GTF3C3: variants seen among roughly 807,000 people sequenced by gnomAD.
GTF3C3 encodes general transcription factor IIIC subunit 3.
Under a neutral mutation model 105.2 loss-of-function variants are expected in GTF3C3, and 75 were observed. That is an observed-to-expected ratio of 0.71 (90% CI 0.59 to 0.86). The LOEUF is 0.86. Ranked by LOEUF, GTF3C3 falls within the 40% of genes least tolerant of loss-of-function variation. The pLI is 0.00. For missense variants in GTF3C3, 856 were observed against 1,076.5 expected (o/e 0.80, Z 2.87); for synonymous variants, 335 against 370.4 (o/e 0.90, Z 1.10).
At position 196,791,470 on chromosome 2, in the gene GTF3C3, AGAAAAATGACATTTAGATTAAAATATAGT is replaced by A; in HGVS notation, c.412-39_412-11del. 1 of 1,606,308 alleles carries A rather than the reference AGAAAAATGACATTTAGATTAAAATATAGT, an allele frequency of 6.2e-7. No individual in the cohort carries two copies. Among genetic ancestry groups the A allele is most frequent in the Non-Finnish European group, 8.5e-7 (1 of 1,175,186 alleles). On this transcript the variant is annotated splice_polypyrimidine_tract_variant and intron_variant, in intron 3 of 17. Coordinates refer to ENST00000263956, the MANE Select transcript of GTF3C3 (RefSeq NM_012086.5). ...TCCGAGGCCTTTTCTCCTGTATGGA[AGAAAAATGACATTTAGATTAAAATATAGT>A]GAAGTCTTAGATTTCAATTCCAGCC...
At chr2:196,769,886 T>C in intron 16 of GTF3C3, 29 bp downstream of exon 16, 1 of 1,577,344 alleles carries the variant, frequency 6.3e-7, no homozygotes, top group East Asian at 2.2e-5. Flanking sequence ...AAACATAAAA[T>C]CAAGTAACGA....
At chr2:196,780,974 A>G in intron 8 of GTF3C3, 1 of 185,708 alleles carries the variant, frequency 5.4e-6, no homozygotes, top group Non-Finnish European at 1.1e-5. Flanking sequence ...CTTGAATTGA[A>G]AAGTCTCTTT....
chr2:196,773,283 G>A lies in GTF3C3; in HGVS notation c.1832-130C>T, dbSNP rs184882274. On this transcript the variant is annotated intron_variant, in intron 13 of 17. Transcript: ENST00000263956. ...GCCTAAATTGTTGCCAGTGCTCTCC[G>A]GACAAAGATGAGAAGGGGTAGTTGC... The A allele has an allele frequency of 1.4e-4, 90 of 657,204 alleles. No individual in the cohort carries two copies. In the East Asian group the frequency reaches 1.8e-3, roughly 13 times the overall value. 40.7% of individuals were successfully genotyped at this position (657,204 alleles called of 1,614,324 possible).
intron 8 of GTF3C3, among the ~76,000 whole-genome samples, chr2:196,781,349 A>ATATATATAT (rs1226821935): frequency 8.7e-5 from 2 of 22,860 alleles, no homozygotes; most frequent in East Asian, 7.8e-3. Context: ...GGGGAAAAAA[A>ATATATATAT]AAAAAAAAAT....
chr2:196,780,714 T>C (rs749832948), intron 8 of GTF3C3, 52 bp from the exon 9 acceptor site: 130 of 1,570,286 alleles, frequency 8.3e-5, no homozygotes, highest in Non-Finnish European at 1.1e-4. Context: ...TTGAGATGTG[T>C]ATCTTCTATG....
At chr2:196,780,733 C>A in intron 8 of GTF3C3, 71 bp from the exon 9 acceptor site, 1 of 1,513,470 alleles carries the variant, frequency 6.6e-7, no homozygotes, top group South Asian at 1.3e-5. Context: ...TGTAAGATCT[C>A]ATTTATTTCA....
At chr2:196,771,455 G>C (rs1699173927) in intron 15 of GTF3C3, among the ~76,000 whole-genome samples, 1 of 151,988 alleles carries the variant, frequency 6.6e-6, no homozygotes, top group Non-Finnish European at 1.5e-5. Context: ...CCAAAGCTTA[G>C]TAAGAATAAC....
intron 15 of GTF3C3, among the ~76,000 whole-genome samples, chr2:196,771,368 AAAAT>A (rs150388514): frequency 0.099 from 15,062 of 152,208 alleles, 886 homozygotes; most frequent in Middle Eastern, 0.16. Flanking sequence ...AATCATTTTA[AAAAT>A]AAATAGGCCT....
At position 196,789,279 on chromosome 2, in the gene GTF3C3, C is replaced by T; in HGVS notation, c.818G>A (p.Gly273Asp). The part of the protein sequence containing the change: ...QMGDHKMAMD[G>D]YRRILNLLSP... ...CAAAAGGTTTAAAATACGCCTATAACCATCCATGGCCATTTTATGATCACC... is the reference window on the plus strand; with the variant it reads ...CAAAAGGTTTAAAATACGCCTATAATCATCCATGGCCATTTTATGATCACC... Residue 273 changes from glycine (G) to aspartate (D), a missense_variant, in exon 6 of 18, where the codon GGT becomes GAT. Coordinates refer to ENST00000263956, the MANE Select transcript of GTF3C3 (RefSeq NM_012086.5). The T allele has an allele frequency of 6.2e-7, 1 of 1,613,472 alleles. No individual in the cohort carries two copies.
Position 196,784,886 on chromosome 2 carries a change from G to C in GTF3C3, c.1085C>G (p.Ser362Ter). 1 of 1,611,096 alleles carries C rather than the reference G, an allele frequency of 6.2e-7. No homozygotes were observed. Residue 362 changes from serine (S) to a stop codon, truncating the protein, a stop_gained, in exon 8 of 18, where the codon TCA becomes TGA. Coordinates refer to ENST00000263956, the MANE Select transcript of GTF3C3 (RefSeq NM_012086.5). LOFTEE classifies it high-confidence loss of function. ...FSGIVLEKKT[S>*]EEGTSEENKA... ...ATTCTCTTCTGAGGTGCCTTCTTCT[G>C]AAGTTTTTTTTTCCAGCACAATTCC...
At chr2:196,766,125 A>T (rs1699063142) in intron 17 of GTF3C3, among the ~76,000 whole-genome samples, 1 of 152,164 alleles carries the variant, frequency 6.6e-6, no homozygotes, top group South Asian at 2.1e-4. Context: ...AACATATTTC[A>T]GGATTTAAAA....
rs868175165 is a variant in GTF3C3 at position 196,772,968 on chromosome 2, G to T, written c.2017C>A (p.Leu673Met). The change falls in exon 14 of 18, where the codon CTG becomes ATG. Residue 673 changes from leucine to methionine, a missense_variant. Leu to Met is a conservative substitution (Grantham distance 15). Transcript: ENST00000263956. ...QKRKELEYFG[L>M]SAAILDKNFR... The stretch of plus-strand genomic sequence containing the variant: ...TTTTTGTCCAGAATTGCAGCAGACA[G>T]ACCAAAGTATTCTAGTTCTTTGCGT... The T allele has an allele frequency of 6.2e-7, 1 of 1,607,372 alleles. No individual in the cohort carries two copies. The highest frequency in any genetic ancestry group is 1.7e-4 in the Middle Eastern group (1 of 6,018).
At chr2:196,771,697 C>G (rs1420754887) in intron 15 of GTF3C3, 51 bp downstream of exon 15, 2 of 1,262,670 alleles carry the variant, frequency 1.6e-6, no homozygotes, top group Admixed American at 1.7e-5. Context: ...AGAGGCTAGG[C>G]TCTTCACCAC....
At chr2:196,765,873 G>A (rs1418201053) in intron 17 of GTF3C3, among the ~76,000 whole-genome samples, 1 of 151,694 alleles carries the variant, frequency 6.6e-6, no homozygotes, top group South Asian at 2.1e-4. Context: ...AGCTGGGCGT[G>A]GTGGCAGGCA....
intron 17 of GTF3C3, 115 bp from the exon 18 acceptor site, chr2:196,764,800 C>T: frequency 8.6e-6 from 7 of 817,778 alleles, no homozygotes; most frequent in Non-Finnish European, 1.1e-5. Flanking sequence ...TATTAAAGCT[C>T]ATGTACTAAA....
chr2:196,764,190 G>GTAT lies in GTF3C3; in HGVS notation c.*370_*372dup, dbSNP rs1553575309. 6.4e-6 allele frequency: 1 copy of GTAT among 155,592 alleles called. No homozygotes were observed. Among genetic ancestry groups the GTAT allele is most frequent in the Non-Finnish European group, 1.4e-5 (1 of 70,406 alleles). 9.6% of individuals were successfully genotyped at this position (155,592 alleles called of 1,614,324 possible). ...AATAATAAGCAACCTCTGTTTATAC[G>GTAT]TATTTGAAAAACTGCCTCATGTGAT... is the stretch of plus-strand genomic sequence containing the variant. On this transcript the variant is annotated 3_prime_UTR_variant, in exon 18 of 18. Transcript: ENST00000263956.
At chr2:196,784,980 T>C in intron 7 of GTF3C3, 51 bp from the exon 8 acceptor site, 1 of 1,182,616 alleles carries the variant, frequency 8.5e-7, no homozygotes, top group South Asian at 1.3e-5. Context: ...GAAAAACCAT[T>C]TCATAATGCA....
chr2:196,764,769 TGTAA>T (rs761612234), intron 17 of GTF3C3, 84 bp from the exon 18 acceptor site: 6 of 1,249,530 alleles, frequency 4.8e-6, no homozygotes, highest in South Asian at 4.5e-5. Context: ...GTTTTATAAG[TGTAA>T]GTAAGTTTTC....
intron 12 of GTF3C3, 46 bp downstream of exon 12, chr2:196,775,964 A>G (rs764888033): frequency 1.2e-6 from 1 of 846,868 alleles, no homozygotes. Context: ...AATACTAAAC[A>G]TTTAAAAAGT....
Sources: gnomAD v4.1 joint callset for allele counts (sites outside exome capture counted in the v4.1 genomes callset) on GRCh38, gnomAD v4.1.1 for gene constraint, MANE v1.5 for transcripts, NCBI Gene and HGNC (gene_info 2026-07-23, HGNC 2026-07-21) for gene names.